Variants in IL18R1 observed in about 807,000 individuals in gnomAD.
The protein encoded by IL18R1 is interleukin-18 receptor 1.
IL18R1 carries 40 observed loss-of-function variants against 48.5 expected under a neutral mutation model. The ratio of observed to expected loss-of-function variants is 0.82; its 90% CI spans 0.64 to 1.07. The LOEUF is 1.07. IL18R1 is among the 50% of genes least tolerant of loss of function. The pLI is 0.00. For synonymous variants in IL18R1, 232 were observed against 225.9 expected, an observed-to-expected ratio of 1.03 and a Z score of -0.24; for missense variants, 596 against 633.7, an observed-to-expected ratio of 0.94 and a Z score of 0.64.
chr2:102,365,516 G>C (rs1678839258), intron 2 of IL18R1, among the ~76,000 whole-genome samples: 2 of 152,108 alleles, frequency 1.3e-5, no homozygotes, highest in East Asian at 3.9e-4. Flanking sequence ...GAGTTTCTGG[G>C]CTTTTTCAAG....
At position 102,367,978 on chromosome 2, in the gene IL18R1, G is replaced by A. The variant is rs763770123; in HGVS notation, c.212G>A (p.Arg71Lys). Residue 71 changes from arginine (R) to lysine (K), a missense_variant, in exon 3 of 11, where the codon AGG (arginine) becomes AAG (lysine). Physicochemically the swap from Arg to Lys is conservative, Grantham distance 26 (BLOSUM62 2). Coordinates refer to ENST00000233957, the MANE Select transcript of IL18R1 (RefSeq NM_003855.5). ...GSQEHVELNP[R>K]SSSRIALHDC... Reference sequence around the variant, plus strand: ...CAGGAACATGTGGAGCTGAACCCAAGGAGTTCCTCGAGAATTGCTTTGCAT... The same window carrying A: ...CAGGAACATGTGGAGCTGAACCCAAAGAGTTCCTCGAGAATTGCTTTGCAT... 7 of 1,614,204 alleles carry A rather than the reference G, an allele frequency of 4.3e-6. No homozygotes were observed. The highest frequency in any genetic ancestry group is 5.9e-6 in the Non-Finnish European group (7 of 1,180,040).
Position 102,384,767 on chromosome 2 carries a change from G to T in IL18R1, c.689-111G>T, listed in dbSNP as rs1573220384. ...CAAGGCATATTTATTCTCTTTCTGGGATGGAGCACCACGTTTTGCTTTAGG... is the reference window on the plus strand; with the variant it reads ...CAAGGCATATTTATTCTCTTTCTGGTATGGAGCACCACGTTTTGCTTTAGG... On this transcript the variant is annotated intron_variant, in intron 6 of 10. Transcript: ENST00000233957. 4 of 1,155,384 alleles carry T rather than the reference G, an allele frequency of 3.5e-6. No homozygotes were observed. In the East Asian group the frequency reaches 7.8e-5, roughly 23 times the overall value. 71.6% of individuals were successfully genotyped at this position (1,155,384 alleles called of 1,614,324 possible).
intron 1 of IL18R1, among the ~76,000 whole-genome samples, chr2:102,356,915 A>C (rs1005758733): frequency 6.6e-6 from 1 of 152,180 alleles, no homozygotes; most frequent in Non-Finnish European, 1.5e-5. Context: ...AGCACCTTGC[A>C]TCGCAGTTAT....
intron 4 of IL18R1, among the ~76,000 whole-genome samples, chr2:102,374,691 T>A (rs1330086352): frequency 6.6e-6 from 1 of 151,316 alleles, no homozygotes; most frequent in Non-Finnish European, 1.5e-5. Context: ...GGAAGGAGAA[T>A]CACTTGAACC....
intron 3 of IL18R1, 129 bp from the exon 4 acceptor site, chr2:102,371,824 A>G (rs1303202423): frequency 1.3e-5 from 8 of 603,702 alleles, no homozygotes; most frequent in South Asian, 4.3e-5. Flanking sequence ...CAGGGTTTGC[A>G]CATCAATGAA....
chr2:102,386,315 C>G (rs996220179), intron 7 of IL18R1, among the ~76,000 whole-genome samples: 10 of 152,212 alleles, frequency 6.6e-5, no homozygotes, highest in African/African-American at 2.2e-4. Context: ...CTGCCAGTGG[C>G]TTTCTCAAGT....
chr2:102,357,697 C>G (rs998543037), intron 1 of IL18R1, among the ~76,000 whole-genome samples: 2 of 151,966 alleles, frequency 1.3e-5, no homozygotes, highest in African/African-American at 4.8e-5. Context: ...ACTCTAGGGA[C>G]CTGGCATCTG....
At chr2:102,357,756 G>A (rs1317390281) in intron 1 of IL18R1, among the ~76,000 whole-genome samples, 1 of 152,110 alleles carries the variant, frequency 6.6e-6, no homozygotes, top group Non-Finnish European at 1.5e-5. Context: ...GGCAGATTTG[G>A]GGGGAAGCAT....
At chr2:102,375,238 A>G (rs1679506274) in intron 4 of IL18R1, among the ~76,000 whole-genome samples, 1 of 152,172 alleles carries the variant, frequency 6.6e-6, no homozygotes, top group South Asian at 2.1e-4. Flanking sequence ...TCTGGGACCT[A>G]CCTCTGGGTG....
chr2:102,370,914 G>A (rs545088018), intron 3 of IL18R1, among the ~76,000 whole-genome samples: 3 of 152,290 alleles, frequency 2.0e-5, no homozygotes, highest in East Asian at 1.9e-4. Flanking sequence ...TTAAAAACAC[G>A]CATCTGCTGT....
chr2:102,371,860 A>G, intron 3 of IL18R1, 93 bp from the exon 4 acceptor site: 1 of 690,298 alleles, frequency 1.4e-6, no homozygotes. Flanking sequence ...AAAATAAAGG[A>G]AAAATATTGT....
intron 4 of IL18R1, among the ~76,000 whole-genome samples, chr2:102,373,483 G>A (rs1324749089): frequency 6.6e-6 from 1 of 152,052 alleles, no homozygotes; most frequent in African/African-American, 2.4e-5. Flanking sequence ...GGTAGGGGAT[G>A]TATAGCATTA....
At chr2:102,377,508 G>A (rs1052371415) in intron 5 of IL18R1, among the ~76,000 whole-genome samples, 9 of 152,138 alleles carry the variant, frequency 5.9e-5, no homozygotes, top group Non-Finnish European at 1.0e-4. Flanking sequence ...AGTAGAGACG[G>A]GGTTTCACCG....
At chr2:102,395,892 C>CT (rs1174459803) in intron 10 of IL18R1, among the ~76,000 whole-genome samples, 1 of 152,200 alleles carries the variant, frequency 6.6e-6, no homozygotes, top group African/African-American at 2.4e-5. Flanking sequence ...TACCTGTCGC[C>CT]TGCGTCTGCA....
At chr2:102,370,803 CAGTA>C (rs962429877) in intron 3 of IL18R1, among the ~76,000 whole-genome samples, 7 of 152,194 alleles carry the variant, frequency 4.6e-5, no homozygotes, top group Non-Finnish European at 1.5e-5. Flanking sequence ...ACCTGGAACT[CAGTA>C]AGTGTTAGTC....
At chr2:102,389,989 G>C in intron 8 of IL18R1, 67 bp from the exon 9 acceptor site, 1 of 1,530,246 alleles carries the variant, frequency 6.5e-7, no homozygotes, top group Non-Finnish European at 9.0e-7. Flanking sequence ...GGACAAGCAC[G>C]TGATGATGGA....
Position 102,365,722 on chromosome 2 carries a change from C to T in IL18R1, c.59-2103C>T, listed in dbSNP as rs191907418. Among the ~76,000 whole-genome samples, 305 of 152,336 alleles carry T rather than the reference C, an allele frequency of 2.0e-3. 4 individuals are homozygous for T. Among genetic ancestry groups the T allele is most frequent in the Admixed American group, 5.4e-3 (82 of 15,310 alleles). ...TGCAGCAAACTTTTGCCTGGACATC[C>T]AGCATTTCCATACATCCTCTGAAAC... On this transcript the variant is annotated intron_variant, in intron 2 of 10. Coordinates refer to ENST00000233957, the MANE Select transcript of IL18R1 (RefSeq NM_003855.5).
chr2:102,356,761 C>T (rs1678274399), intron 1 of IL18R1, among the ~76,000 whole-genome samples: 1 of 152,088 alleles, frequency 6.6e-6, no homozygotes, highest in Non-Finnish European at 1.5e-5. Context: ...TATTATTATG[C>T]TTTAATAAAA....
intron 8 of IL18R1, among the ~76,000 whole-genome samples, chr2:102,388,266 T>A (rs191347054): frequency 2.0e-5 from 3 of 152,320 alleles, no homozygotes; most frequent in Admixed American, 2.0e-4. Flanking sequence ...CCATACATGT[T>A]AATTACATGA....
Sources: allele counts gnomAD v4.1 joint callset (sites outside exome capture counted in the v4.1 genomes callset), GRCh38; gene constraint gnomAD v4.1.1; transcripts MANE v1.5; gene names NCBI Gene and HGNC (gene_info 2026-07-23, HGNC 2026-07-21).